RTCA: variants seen among roughly 807,000 people sequenced by gnomAD.
RTCA encodes RNA terminal phosphate cyclase domain 1.
A neutral mutation model predicts 46.1 loss-of-function variants in RTCA; 37 were observed. The observed-to-expected ratio is 0.80, with a 90% CI of 0.62 to 1.06. The LOEUF (loss-of-function observed/expected upper bound fraction) is 1.06, where lower values mean the gene tolerates loss of function less well. RTCA is among the 50% of genes least tolerant of loss of function. The pLI is 0.00. For missense variants in RTCA, 435 were observed against 455.5 expected (o/e 0.95, Z 0.41); for synonymous variants, 164 against 158.3 (o/e 1.04, Z -0.27).
At chr1:100,284,397 ATTTT>A (rs199515109) in intron 8 of RTCA, among the ~76,000 whole-genome samples, 1 of 141,034 alleles carries the variant, frequency 7.1e-6, no homozygotes. Context: ...AAATTCTTTA[ATTTT>A]TTTTTTTTTT....
chr1:100,277,395 A>G, intron 8 of RTCA, 79 bp downstream of exon 8: 5 of 1,230,910 alleles, frequency 4.1e-6, no homozygotes, highest in Non-Finnish European at 5.7e-6. Context: ...AATGTTATAG[A>G]ATGATGGATG....
chr1:100,288,605 G>C (rs977509535), intron 10 of RTCA, among the ~76,000 whole-genome samples: 5 of 151,952 alleles, frequency 3.3e-5, no homozygotes, highest in African/African-American at 1.2e-4. Flanking sequence ...TTCCCAGGCT[G>C]GTCTTGAACT....
At position 100,266,351 on chromosome 1, in the gene RTCA, C is replaced by T. The variant is rs780112061; in HGVS notation, c.-25C>T. The T allele has an allele frequency of 6.2e-7, 1 of 1,601,954 alleles. No individual in the cohort carries two copies. The highest frequency in any genetic ancestry group is 1.8e-5 in the Admixed American group (1 of 55,090). On this transcript the variant is annotated 5_prime_UTR_variant, in exon 1 of 11. Transcript: ENST00000370128. ...CGCTCTGGCGGAGGCTTTGTCGCTG[C>T]GGGCTGGGCCCCAGGGTGTCCCCCA...
Position 100,277,330 on chromosome 1 carries a change from AG to A in RTCA, c.799+19del. ...TTGGTAAACGAGGTAAGATAAATGA[AG>A]GGGGTCCATAGTTCCCAATGCTACT... is the stretch of plus-strand genomic sequence containing the variant. On this transcript the variant is annotated intron_variant, in intron 8 of 10. Coordinates refer to ENST00000370128, the MANE Select transcript of RTCA (RefSeq NM_003729.4). 2 of 1,604,148 alleles carry A rather than the reference AG, an allele frequency of 1.2e-6. No individual in the cohort carries two copies. The highest frequency in any genetic ancestry group is 1.7e-6 in the Non-Finnish European group (2 of 1,175,310).
intron 8 of RTCA, among the ~76,000 whole-genome samples, chr1:100,285,018 A>AG (rs535724143): frequency 9.7e-4 from 147 of 152,312 alleles, no homozygotes; most frequent in African/African-American, 3.5e-3. Flanking sequence ...TTCCTCCACT[A>AG]GTATATTTAA....
intron 10 of RTCA, 47 bp downstream of exon 10, chr1:100,287,250 T>C (rs1313373528): frequency 7.2e-7 from 1 of 1,397,482 alleles, no homozygotes; most frequent in East Asian, 2.5e-5. Flanking sequence ...ATTTTTATTT[T>C]AGCCAATTTT....
rs201686718 is a variant in RTCA at position 100,291,395 on chromosome 1, G to A, written c.1000-8G>A. ...CGTATTACTTATATACTCCTCTTCT[G>A]ATTTCAGGCTAAATTTATTGTGAAG... On this transcript the variant is annotated splice_region_variant and splice_polypyrimidine_tract_variant and intron_variant, in intron 10 of 10. Transcript: ENST00000370128. The A allele has an allele frequency of 6.3e-7, 1 of 1,590,762 alleles. No homozygotes were observed. The highest frequency in any genetic ancestry group is 8.6e-7 in the Non-Finnish European group (1 of 1,162,544).
At position 100,291,594 on chromosome 1, in the gene RTCA, G is replaced by T; in HGVS notation, c.*90G>T. 4 of 799,340 alleles carry T rather than the reference G, an allele frequency of 5.0e-6. No homozygotes were observed. Among genetic ancestry groups the T allele is most frequent in the Non-Finnish European group, 8.0e-6 (4 of 497,798 alleles). The allele number at this position is 799,340 out of a possible 1,614,324, so 49.5% of individuals were successfully genotyped here. On this transcript the variant is annotated 3_prime_UTR_variant, in exon 11 of 11. Coordinates refer to ENST00000370128, the MANE Select transcript of RTCA (RefSeq NM_003729.4). ...ATGACTAGGAAGTAACTTATTAAAG[G>T]CTATGACTTAAATTTGAAGATGAAG...
chr1:100,286,752 T>G (rs936994093), intron 9 of RTCA, among the ~76,000 whole-genome samples: 8 of 152,170 alleles, frequency 5.3e-5, no homozygotes, highest in Non-Finnish European at 1.2e-4. Flanking sequence ...GTCTGTCTAT[T>G]CAGCTGTTAA....
At chr1:100,290,273 T>A (rs945012238) in intron 10 of RTCA, among the ~76,000 whole-genome samples, 14 of 152,186 alleles carry the variant, frequency 9.2e-5, no homozygotes, top group Non-Finnish European at 1.5e-4. Context: ...TTTGATTTTT[T>A]TTTTTAAGAC....
intron 3 of RTCA, among the ~76,000 whole-genome samples, chr1:100,269,473 A>G (rs1043882784): frequency 1.3e-5 from 2 of 149,388 alleles, no homozygotes; most frequent in African/African-American, 5.0e-5. Flanking sequence ...TGCTGAGACT[A>G]CAGGCGTGCA....
chr1:100,279,645 G>A (rs932681000), intron 8 of RTCA, among the ~76,000 whole-genome samples: 2 of 151,860 alleles, frequency 1.3e-5, no homozygotes, highest in African/African-American at 2.4e-5. Context: ...CCCATATGGT[G>A]GCTCACACCT....
At chr1:100,285,453 T>C (rs894560288) in intron 9 of RTCA, 131 bp downstream of exon 9, 53 of 627,780 alleles carry the variant, frequency 8.4e-5, no homozygotes, top group Middle Eastern at 8.0e-4. Context: ...TAAAAAAATA[T>C]TCTGGGATTT....
At chr1:100,272,824 A>C (rs1489899304) in intron 4 of RTCA, among the ~76,000 whole-genome samples, 3 of 152,236 alleles carry the variant, frequency 2.0e-5, no homozygotes, top group Admixed American at 1.3e-4. Context: ...GTATTTGAAC[A>C]GAGCATTATA....
intron 9 of RTCA, among the ~76,000 whole-genome samples, chr1:100,285,560 G>A (rs1666975906): frequency 6.6e-6 from 1 of 151,850 alleles, no homozygotes; most frequent in African/African-American, 2.4e-5. Flanking sequence ...TCTTTCCTTG[G>A]TTTCTGAAAT....
chr1:100,290,759 C>CT (rs1418313520), intron 10 of RTCA, among the ~76,000 whole-genome samples: 1 of 152,138 alleles, frequency 6.6e-6, no homozygotes, highest in Non-Finnish European at 1.5e-5. Flanking sequence ...GAGCAAGACT[C>CT]TGTCTCAAAA....
chr1:100,289,697 A>ATAG (rs1667246539), intron 10 of RTCA, among the ~76,000 whole-genome samples: 1 of 152,200 alleles, frequency 6.6e-6, no homozygotes, highest in African/African-American at 2.4e-5. Context: ...TACTTTACAT[A>ATAG]TAGTAGATGC....
chr1:100,275,552 A>G (rs780731997), intron 6 of RTCA, 47 bp from the exon 7 acceptor site: 2 of 1,480,688 alleles, frequency 1.4e-6, no homozygotes, highest in East Asian at 2.4e-5. Context: ...CAATTTTCCA[A>G]ATAATCAGTA....
chr1:100,283,681 A>T (rs777570406), intron 8 of RTCA, among the ~76,000 whole-genome samples: 2 of 152,174 alleles, frequency 1.3e-5, no homozygotes, highest in Non-Finnish European at 2.9e-5. Flanking sequence ...GTGGCTAACA[A>T]GAAGTCAAGA....
Sources: allele counts gnomAD v4.1 joint callset (sites outside exome capture counted in the v4.1 genomes callset), GRCh38; gene constraint gnomAD v4.1.1; transcripts MANE v1.5; gene names NCBI Gene and HGNC (gene_info 2026-07-23, HGNC 2026-07-21).